KDM4C: variants seen among roughly 807,000 people sequenced by gnomAD.
KDM4C encodes the protein lysine demethylase 4C, also known as lysine-specific demethylase 4C.
A neutral mutation model predicts 129.3 loss-of-function variants in KDM4C; 81 were observed. The ratio of observed to expected loss-of-function variants is 0.63; its 90% CI spans 0.52 to 0.75. The LOEUF is 0.75. KDM4C is among the 30% of genes least tolerant of loss of function. The pLI is 0.00. For missense variants in KDM4C, 1,457 were observed against 1,304.0 expected, an observed-to-expected ratio of 1.12 and a Z score of -1.81; for synonymous variants, 573 against 456.1, an observed-to-expected ratio of 1.26 and a Z score of -3.26.
At chr9:6,828,993 C>T (rs1834354138) in intron 4 of KDM4C, among the ~76,000 whole-genome samples, 1 of 152,172 alleles carries the variant, frequency 6.6e-6, no homozygotes, top group African/African-American at 2.4e-5. Flanking sequence ...GTTTAATAAC[C>T]TGGTAAATTG....
chr9:6,921,533 T>G (rs1258361044), intron 8 of KDM4C, among the ~76,000 whole-genome samples: 1 of 152,214 alleles, frequency 6.6e-6, no homozygotes, highest in East Asian at 1.9e-4. Context: ...TGCCCACTGC[T>G]CACCACACTC....
intron 18 of KDM4C, chr9:7,104,480 GA>G (rs1260197819): frequency 1.3e-5 from 2 of 152,114 alleles, no homozygotes; most frequent in African/African-American, 4.8e-5. Flanking sequence ...GAGAAATATA[GA>G]GAACAATTTT....
At chr9:7,046,405 A>G (rs985115298) in intron 15 of KDM4C, among the ~76,000 whole-genome samples, 1 of 151,992 alleles carries the variant, frequency 6.6e-6, no homozygotes, top group Non-Finnish European at 1.5e-5. Context: ...CCTCTTGCTT[A>G]TCCTTGTAGT....
intron 1 of KDM4C, among the ~76,000 whole-genome samples, chr9:6,738,101 C>G (rs997254939): frequency 6.6e-6 from 1 of 151,398 alleles, no homozygotes; most frequent in Non-Finnish European, 1.5e-5. Context: ...CCATTGCACT[C>G]CAGCCTGGGC....
chr9:6,959,013 A>T (rs1208181562), intron 8 of KDM4C, among the ~76,000 whole-genome samples: 2 of 152,222 alleles, frequency 1.3e-5, no homozygotes, highest in African/African-American at 4.8e-5. Context: ...GAAATCATAA[A>T]GTTCCTTTTA....
chr9:6,910,900 G>T (rs2131078523), intron 8 of KDM4C, among the ~76,000 whole-genome samples: 2 of 152,300 alleles, frequency 1.3e-5, no homozygotes, highest in Middle Eastern at 3.4e-3. Context: ...GTGGAGGTAC[G>T]TTTATTGATA....
chr9:6,980,639 C>T (rs1184338819), intron 8 of KDM4C, among the ~76,000 whole-genome samples: 1 of 152,090 alleles, frequency 6.6e-6, no homozygotes, highest in Non-Finnish European at 1.5e-5. Flanking sequence ...CTTTCCATTG[C>T]AGGCGTGCTT....
At chr9:7,070,843 T>C (rs929883319) in intron 17 of KDM4C, among the ~76,000 whole-genome samples, 4 of 152,150 alleles carry the variant, frequency 2.6e-5, no homozygotes, top group Non-Finnish European at 5.9e-5. Context: ...TCATACTGAG[T>C]GCAGATCCTA....
intron 2 of KDM4C, among the ~76,000 whole-genome samples, chr9:6,805,193 C>A (rs1829742204): frequency 6.6e-6 from 1 of 152,186 alleles, no homozygotes; most frequent in Non-Finnish European, 1.5e-5. Flanking sequence ...GCCACTGCGC[C>A]CTGCCAATTT....
chr9:7,106,671 T>C (rs1333134543), intron 18 of KDM4C, among the ~76,000 whole-genome samples: 1 of 152,208 alleles, frequency 6.6e-6, no homozygotes, highest in Admixed American at 6.5e-5. Flanking sequence ...TTGTAATTAA[T>C]ATATTTTTAA....
intron 15 of KDM4C, among the ~76,000 whole-genome samples, chr9:7,018,556 G>T (rs964899420): frequency 6.6e-6 from 1 of 152,172 alleles, no homozygotes; most frequent in Non-Finnish European, 1.5e-5. Flanking sequence ...CCTTCGCCCT[G>T]AATCATAAAT....
intron 15 of KDM4C, among the ~76,000 whole-genome samples, chr9:7,044,857 A>C (rs1192169588): frequency 6.6e-6 from 1 of 151,978 alleles, no homozygotes; most frequent in Non-Finnish European, 1.5e-5. Flanking sequence ...ATAGTGAAAG[A>C]GAAGCCTGTT....
At chr9:6,862,099 G>A (rs1416673530) in intron 5 of KDM4C, among the ~76,000 whole-genome samples, 1 of 152,132 alleles carries the variant, frequency 6.6e-6, no homozygotes, top group East Asian at 1.9e-4. Flanking sequence ...AGAGGACATA[G>A]CAGTCAATTG....
chr9:6,869,837 G>A (rs1388731135), intron 5 of KDM4C, among the ~76,000 whole-genome samples: 4 of 152,194 alleles, frequency 2.6e-5, no homozygotes, highest in Middle Eastern at 3.2e-3. Flanking sequence ...TGTTCCTCAC[G>A]TTCATCTGTT....
At chr9:6,885,300 T>C (rs1228888492) in intron 6 of KDM4C, among the ~76,000 whole-genome samples, 1 of 152,254 alleles carries the variant, frequency 6.6e-6, no homozygotes, top group African/African-American at 2.4e-5. Flanking sequence ...CTTTTTTCAC[T>C]TAGAATAATG....
At chr9:6,809,168 A>G (rs1381921994) in intron 3 of KDM4C, among the ~76,000 whole-genome samples, 1 of 152,214 alleles carries the variant, frequency 6.6e-6, no homozygotes, top group Non-Finnish European at 1.5e-5. Flanking sequence ...TTTATATTTG[A>G]TATAATTTGA....
At chr9:7,043,742 T>G (rs957867333) in intron 15 of KDM4C, among the ~76,000 whole-genome samples, 1 of 151,926 alleles carries the variant, frequency 6.6e-6, no homozygotes, top group Non-Finnish European at 1.5e-5. Context: ...ATAAATAACT[T>G]ATGAGTGTAC....
At chr9:6,993,598 A>G (rs763753431) in intron 12 of KDM4C, among the ~76,000 whole-genome samples, 3 of 152,152 alleles carry the variant, frequency 2.0e-5, no homozygotes, top group African/African-American at 4.8e-5. Context: ...TTCACTGTCC[A>G]TAGAGAAGGA....
intron 1 of KDM4C, among the ~76,000 whole-genome samples, chr9:6,774,299 T>C (rs990643911): frequency 6.6e-6 from 1 of 152,202 alleles, no homozygotes; most frequent in Non-Finnish European, 1.5e-5. Context: ...CTTTAGGTAA[T>C]ATACAAACAT....
Sources: gnomAD v4.1 joint callset for allele counts (sites outside exome capture counted in the v4.1 genomes callset) on GRCh38, gnomAD v4.1.1 for gene constraint, MANE v1.5 for transcripts, NCBI Gene and HGNC (gene_info 2026-07-23, HGNC 2026-07-21) for gene names.